Variants in SHANK2 observed in about 807,000 individuals in gnomAD.
SHANK2 encodes SH3 and multiple ankyrin repeat domains 2.
SHANK2 carries 43 observed loss-of-function variants against 133.7 expected under a neutral mutation model. That is an observed-to-expected ratio of 0.32 (90% CI 0.25 to 0.41). The LOEUF is 0.41. SHANK2 is among the 10% of genes least tolerant of loss of function. The pLI is 1.00. For missense variants in SHANK2, 1,994 were observed against 2,235.8 expected (o/e 0.89, Z 2.18); for synonymous variants, 1,017 against 952.8 (o/e 1.07, Z -1.24).
intron 10 of SHANK2, among the ~76,000 whole-genome samples, chr11:70,906,886 G>A (rs952556244): frequency 1.4e-4 from 21 of 152,198 alleles, no homozygotes; most frequent in Admixed American, 3.3e-4. Flanking sequence ...CCCAGAATCT[G>A]GAGAGGCAGT....
intron 2 of SHANK2, among the ~76,000 whole-genome samples, chr11:71,209,629 C>T (rs577930428): frequency 9.7e-4 from 148 of 152,288 alleles, no homozygotes; most frequent in African/African-American, 3.4e-3. Context: ...CAGCAGCCAT[C>T]CCTTGTGGCA....
At chr11:70,756,519 G>A (rs1179436000) in intron 14 of SHANK2, among the ~76,000 whole-genome samples, 7 of 152,116 alleles carry the variant, frequency 4.6e-5, no homozygotes, top group African/African-American at 1.7e-4. Context: ...CCGCCTGCAC[G>A]CTCCTTCCCT....
chr11:71,066,566 C>T (rs1421232514), intron 9 of SHANK2, among the ~76,000 whole-genome samples: 4 of 152,250 alleles, frequency 2.6e-5, no homozygotes, highest in Admixed American at 2.0e-4. Flanking sequence ...GATGTTAACT[C>T]GGAAGCTCCA....
intron 3 of SHANK2, among the ~76,000 whole-genome samples, chr11:71,133,459 G>A (rs1182702894): frequency 7.3e-6 from 1 of 137,042 alleles, no homozygotes; most frequent in Non-Finnish European, 1.5e-5. Context: ...GACAGACGGA[G>A]GGAGGGAGGG....
At chr11:71,105,590 TAAAA>T (rs60654256) in intron 6 of SHANK2, among the ~76,000 whole-genome samples, 3,023 of 77,830 alleles carry the variant, frequency 0.039, 132 homozygotes, top group African/African-American at 0.15. Flanking sequence ...AGACTCAGTC[TAAAA>T]AAAAAAAAAA....
At chr11:71,106,120 T>C (rs1951798904) in intron 6 of SHANK2, among the ~76,000 whole-genome samples, 1 of 152,236 alleles carries the variant, frequency 6.6e-6, no homozygotes, top group South Asian at 2.1e-4. Flanking sequence ...CTATTCAATT[T>C]TCTGTCAGCC....
intron 12 of SHANK2, among the ~76,000 whole-genome samples, chr11:70,815,667 C>T (rs1298986342): frequency 6.6e-6 from 1 of 152,162 alleles, no homozygotes; most frequent in Non-Finnish European, 1.5e-5. Context: ...ACCCTGCCTA[C>T]AGCTCTGAGC....
chr11:70,559,163 C>G (rs2059873649), intron 17 of SHANK2, among the ~76,000 whole-genome samples: 1 of 152,012 alleles, frequency 6.6e-6, no homozygotes, highest in South Asian at 2.1e-4. Flanking sequence ...GGATTACAGG[C>G]ACCTGCCACC....
intron 17 of SHANK2, among the ~76,000 whole-genome samples, chr11:70,504,867 A>G (rs781927765): frequency 2.5e-4 from 38 of 152,182 alleles, no homozygotes; most frequent in Non-Finnish European, 5.0e-4. Context: ...AACACCAGCC[A>G]CGCGTTATCG....
At chr11:71,218,026 A>G (rs1161712985) in intron 2 of SHANK2, among the ~76,000 whole-genome samples, 2 of 149,994 alleles carry the variant, frequency 1.3e-5, no homozygotes, top group African/African-American at 4.9e-5. Flanking sequence ...AATTTTTTGT[A>G]TTTTTAGAAG....
chr11:71,144,213 T>C (rs1404782104), intron 3 of SHANK2, among the ~76,000 whole-genome samples: 1 of 152,120 alleles, frequency 6.6e-6, no homozygotes, highest in African/African-American at 2.4e-5. Context: ...GGAGGGAAAG[T>C]GTGCGCATGC....
chr11:70,522,246 T>C (rs2059339375), intron 17 of SHANK2, among the ~76,000 whole-genome samples: 1 of 152,232 alleles, frequency 6.6e-6, no homozygotes, highest in South Asian at 2.1e-4. Context: ...TCTGCCTCTT[T>C]AAGGATGGCT....
intron 8 of SHANK2, among the ~76,000 whole-genome samples, chr11:71,084,871 G>C (rs1951357526): frequency 6.6e-6 from 1 of 152,190 alleles, no homozygotes; most frequent in Non-Finnish European, 1.5e-5. Context: ...AAACAGCAAT[G>C]AGAAGTAACC....
chr11:71,179,962 A>G (rs1224589757), intron 2 of SHANK2, among the ~76,000 whole-genome samples: 1 of 152,226 alleles, frequency 6.6e-6, no homozygotes. Flanking sequence ...CCACCTTGCA[A>G]TGTGAGTCTC....
chr11:70,758,917 T>C (rs1159579010), intron 14 of SHANK2, among the ~76,000 whole-genome samples: 5 of 151,644 alleles, frequency 3.3e-5, no homozygotes, highest in African/African-American at 1.2e-4. Context: ...TCCCAGCACT[T>C]TGGGAGGCTG....
At chr11:71,171,202 C>T (rs183615465) in intron 2 of SHANK2, among the ~76,000 whole-genome samples, 3 of 152,296 alleles carry the variant, frequency 2.0e-5, no homozygotes, top group Non-Finnish European at 4.4e-5. Context: ...CAGACACATG[C>T]GGGTGGGCTT....
intron 14 of SHANK2, among the ~76,000 whole-genome samples, chr11:70,754,231 G>T (rs961059071): frequency 1.8e-4 from 28 of 152,216 alleles, no homozygotes; most frequent in African/African-American, 6.8e-4. Context: ...TCCCAGAAAA[G>T]AGAAGTGGAG....
intron 2 of SHANK2, among the ~76,000 whole-genome samples, chr11:71,178,709 C>T (rs926191516): frequency 6.6e-5 from 10 of 152,156 alleles, no homozygotes; most frequent in Non-Finnish European, 1.2e-4. Context: ...TTTGGCCAGG[C>T]GCGGTGACTC....
intron 17 of SHANK2, among the ~76,000 whole-genome samples, chr11:70,585,724 C>G (rs563545209): frequency 6.6e-6 from 1 of 151,848 alleles, no homozygotes; most frequent in Admixed American, 6.6e-5. Context: ...CCCACTCATT[C>G]GTCCATCCAA....
Sources: allele counts gnomAD v4.1 joint callset (sites outside exome capture counted in the v4.1 genomes callset), GRCh38; gene constraint gnomAD v4.1.1; transcripts MANE v1.5; gene names NCBI Gene and HGNC (gene_info 2026-07-23, HGNC 2026-07-21).